The following SUPT20H variants were observed in gnomAD, a reference collection of about 807,000 sequenced individuals.
The protein encoded by SUPT20H is transcription factor SPT20 homolog.
Under a neutral mutation model 122.8 loss-of-function variants are expected in SUPT20H, and 82 were observed. That is an observed-to-expected ratio of 0.67 (90% confidence interval 0.56 to 0.80). The LOEUF (loss-of-function observed/expected upper bound fraction) is 0.80. Ranked by LOEUF, SUPT20H falls within the 30% of genes least tolerant of loss-of-function variation. The probability of loss-of-function intolerance (pLI) is 0.00; values close to 1 mark genes in which losing one functional copy is unlikely to be tolerated. For synonymous variants in SUPT20H, 291 were observed against 313.0 expected (o/e 0.93, Z 0.74); for missense variants, 831 against 921.6 (o/e 0.90, Z 1.27).
At position 37,046,212 on chromosome 13, in the gene SUPT20H, G is replaced by C. The variant is rs536261778; in HGVS notation, c.166-839C>G. ...ATAGAATCAAAACACTAAGCAATCT[G>C]AACATTTTTTAAAAAGGCAAACAAC... On this transcript the variant is annotated intron_variant, in intron 5 of 25. Coordinates refer to ENST00000350612, the MANE Select transcript of SUPT20H (RefSeq NM_001014286.3). Among the ~76,000 whole-genome samples the C allele has an allele frequency of 6.6e-5, 10 of 152,154 alleles. No homozygotes were observed. The South Asian group carries it at 2.1e-3, about 32-fold the overall frequency.
chr13:37,011,343 A>C (rs2059595008), intron 24 of SUPT20H, among the ~76,000 whole-genome samples: 1 of 152,210 alleles, frequency 6.6e-6, no homozygotes, highest in African/African-American at 2.4e-5. Context: ...AATTGGTCTG[A>C]TAAAGGTATA....
chr13:37,054,830 CCT>C lies in SUPT20H; in HGVS notation c.-93-3249_-93-3248del, dbSNP rs2068572906. On this transcript the variant is annotated intron_variant, in intron 1 of 25. Coordinates refer to ENST00000350612, the MANE Select transcript of SUPT20H (RefSeq NM_001014286.3). ...TAGGAAAAGAGGAAGTCAAATTGTC[CCT>C]GTTTGCAGATGACATGATTGTATAT... 6.6e-5 allele frequency among the ~76,000 whole-genome samples: 10 copies of C among 152,206 alleles called. No individual in the cohort carries two copies. In the South Asian group the frequency reaches 2.1e-3, roughly 32 times the overall value.
intron 9 of SUPT20H, among the ~76,000 whole-genome samples, chr13:37,037,358 C>G (rs559862704): frequency 6.6e-6 from 1 of 152,228 alleles, no homozygotes; most frequent in South Asian, 2.1e-4. Context: ...TAAATGTAAC[C>G]TTTTTATAGA....
chr13:37,043,082 T>C (rs1380229143), intron 7 of SUPT20H, among the ~76,000 whole-genome samples: 1 of 150,572 alleles, frequency 6.6e-6, no homozygotes, highest in East Asian at 1.9e-4. Context: ...TAACACAGTA[T>C]GCTTGCATTC....
At chr13:37,010,446 G>C in intron 25 of SUPT20H, 106 bp downstream of exon 25, 2 of 984,796 alleles carry the variant, frequency 2.0e-6, no homozygotes, top group Middle Eastern at 2.6e-4. Context: ...ACCAATTACT[G>C]TACAGTCTTA....
rs1040373446 is a variant in SUPT20H at position 37,022,828 on chromosome 13, A to T, written c.1592-748T>A. On this transcript the variant is annotated intron_variant, in intron 19 of 25. Coordinates refer to ENST00000350612, the MANE Select transcript of SUPT20H (RefSeq NM_001014286.3). This position sits in a 1 kb window ranked among gnomAD's most constrained non-coding sequence, Gnocchi z 4.5. ...ACATCAAGTTTATCCTGACAAACAA[A>T]TTTACAAAAAACAGTAATAAAGCAA... 6 of 1,065,790 alleles carry T rather than the reference A, an allele frequency of 5.6e-6. No homozygotes were observed. The highest frequency in any genetic ancestry group is 6.9e-6 in the Non-Finnish European group (6 of 870,826). 66.0% of individuals were successfully genotyped at this position (1,065,790 alleles called of 1,614,324 possible).
At chr13:37,051,006 CCTAA>C (rs1404225284) in intron 2 of SUPT20H, among the ~76,000 whole-genome samples, 2 of 152,164 alleles carry the variant, frequency 1.3e-5, no homozygotes, top group Admixed American at 6.5e-5. Context: ...AATGCCTACT[CCTAA>C]CTATGTTTAG....
At chr13:37,044,032 T>G in intron 7 of SUPT20H, 46 bp downstream of exon 7, 1 of 1,220,328 alleles carries the variant, frequency 8.2e-7, no homozygotes, top group Non-Finnish European at 1.2e-6. Flanking sequence ...ATATATCATA[T>G]ACATATAACA....
chr13:37,033,816 C>T (rs138823495), intron 9 of SUPT20H, among the ~76,000 whole-genome samples: 239 of 152,246 alleles, frequency 1.6e-3, no homozygotes, highest in African/African-American at 5.6e-3. Flanking sequence ...TATTGTGGTT[C>T]GCAAATATTG....
At chr13:37,053,438 T>A (rs894356069) in intron 1 of SUPT20H, among the ~76,000 whole-genome samples, 1 of 150,580 alleles carries the variant, frequency 6.6e-6, no homozygotes, top group Non-Finnish European at 1.5e-5. Context: ...AAACCACACA[T>A]CACATGCTTT....
chr13:37,048,750 T>A (rs1020820415), intron 2 of SUPT20H, 151 bp from the exon 3 acceptor site: 22 of 556,892 alleles, frequency 4.0e-5, no homozygotes, highest in African/African-American at 3.7e-4. Flanking sequence ...AATATATATA[T>A]AACAAAGAAA....
chr13:37,038,306 G>T (rs2064877407), intron 9 of SUPT20H: 1 of 151,936 alleles, frequency 6.6e-6, no homozygotes, highest in African/African-American at 2.4e-5. Flanking sequence ...CCTATTAGCT[G>T]GAAATTTTCC....
At chr13:37,028,336 C>A in intron 13 of SUPT20H, 31 bp from the exon 14 acceptor site, 2 of 1,583,166 alleles carry the variant, frequency 1.3e-6, no homozygotes, top group South Asian at 1.2e-5. Flanking sequence ...CAAATAAATA[C>A]CTTCACAAGT....
chr13:37,013,957 C>T (rs965503285), intron 23 of SUPT20H: 4 of 151,958 alleles, frequency 2.6e-5, no homozygotes, highest in Non-Finnish European at 5.9e-5. Context: ...ATATCAATTT[C>T]CCCCCAAAGC....
intron 20 of SUPT20H, 104 bp downstream of exon 20, chr13:37,021,907 C>T: frequency 7.5e-7 from 1 of 1,330,332 alleles, no homozygotes; most frequent in East Asian, 2.3e-5. Context: ...CCTTTTCAGT[C>T]TGAGTAATAT....
At chr13:37,010,478 A>C in intron 25 of SUPT20H, 74 bp downstream of exon 25, 1 of 1,332,288 alleles carries the variant, frequency 7.5e-7, no homozygotes, top group South Asian at 1.2e-5. Context: ...AATAAAACTA[A>C]AGCAAGTTAT....
intron 12 of SUPT20H, among the ~76,000 whole-genome samples, chr13:37,030,948 G>A (rs2063189924): frequency 6.6e-6 from 1 of 152,040 alleles, no homozygotes; most frequent in African/African-American, 2.4e-5. Flanking sequence ...TGGAAAGGGT[G>A]CAACAGAAGA....
At position 37,033,450 on chromosome 13, in the gene SUPT20H, G is replaced by A. The variant is rs1327368764; in HGVS notation, c.706C>T (p.Arg236Trp). The A allele has an allele frequency of 2.5e-6, 4 of 1,608,116 alleles. No individual in the cohort carries two copies. The highest frequency in any genetic ancestry group is 2.2e-5 in the South Asian group (2 of 89,796). ...TCACCCTTCCACAAAGGCAATTACC[G>A]TTTCATTGGGCGAGTGTTCATCTTT... ...KQKMNTRPMK[R>W]CFKRYSRSSL... Residue 236 changes from arginine (R) to tryptophan (W), a missense_variant and splice_region_variant, in exon 10 of 26, where the codon CGG becomes TGG. By Grantham distance (101) the Arg-to-Trp change is moderately radical. Coordinates refer to ENST00000350612, the MANE Select transcript of SUPT20H (RefSeq NM_001014286.3).
intron 9 of SUPT20H, among the ~76,000 whole-genome samples, chr13:37,035,363 C>T (rs959308249): frequency 3.9e-5 from 6 of 152,072 alleles, no homozygotes; most frequent in African/African-American, 1.4e-4. Flanking sequence ...ATGGATGACT[C>T]CAAGGGGTTC....
Sources: gnomAD v4.1 joint callset for allele counts (sites outside exome capture counted in the v4.1 genomes callset) on GRCh38, gnomAD v4.1.1 for gene constraint, Gnocchi (gnomAD v3.1) non-coding constraint, MANE v1.5 for transcripts, NCBI Gene and HGNC (gene_info 2026-07-23, HGNC 2026-07-21) for gene names.